Variants in SACM1L observed in about 807,000 individuals in gnomAD.
The protein encoded by SACM1L is SAC1 like phosphatidylinositide phosphatase, also known as phosphatidylinositol-3-phosphatase SAC1.
Under a neutral mutation model 89.5 loss-of-function variants are expected in SACM1L, and 32 were observed. The observed-to-expected ratio is 0.36, with a 90% CI of 0.27 to 0.48. The LOEUF (loss-of-function observed/expected upper bound fraction) is 0.48. Ranked by LOEUF, SACM1L falls within the 20% of genes least tolerant of loss-of-function variation. SACM1L has a pLI of 0.99. For synonymous variants in SACM1L, 213 were observed against 232.8 expected, an observed-to-expected ratio of 0.92 and a Z score of 0.77; for missense variants, 543 against 708.5, an observed-to-expected ratio of 0.77 and a Z score of 2.65.
intron 9 of SACM1L, 38 bp from the exon 10 acceptor site, chr3:45,722,831 G>A: frequency 1.4e-6 from 2 of 1,450,046 alleles, no homozygotes; most frequent in Non-Finnish European, 1.9e-6. Flanking sequence ...AAACAAGTAT[G>A]TTTGTGTTTC....
intron 16 of SACM1L, 51 bp from the exon 17 acceptor site, chr3:45,738,527 T>C (rs1420862205): frequency 9.2e-7 from 1 of 1,083,082 alleles, no homozygotes; most frequent in South Asian, 1.3e-5. Flanking sequence ...TAAAACAGTG[T>C]GAGAATTCAG....
chr3:45,691,141 T>C (rs1388838371), intron 1 of SACM1L, among the ~76,000 whole-genome samples: 1 of 152,238 alleles, frequency 6.6e-6, no homozygotes, highest in African/African-American at 2.4e-5. Context: ...GTATTGATTT[T>C]TGTGAGAAGT....
Position 45,738,779 on chromosome 3 carries a change from A to G in SACM1L, c.1477-2A>G, listed in dbSNP as rs778061851. 2 of 1,597,712 alleles carry G rather than the reference A, an allele frequency of 1.3e-6. No individual in the cohort carries two copies. The highest frequency in any genetic ancestry group is 1.7e-4 in the Middle Eastern group (1 of 6,040). Reference sequence around the variant, plus strand: ...TTACGAATTTCTTCCTTTCTGTTCTAGGATTCCATAGACTTATTTCTTGGA... The same window carrying G: ...TTACGAATTTCTTCCTTTCTGTTCTGGGATTCCATAGACTTATTTCTTGGA... On this transcript the variant is annotated splice_acceptor_variant, in intron 17 of 19. Transcript: ENST00000389061. LOFTEE classifies it high-confidence loss of function.
At chr3:45,731,083 A>G (rs1699043471) in intron 11 of SACM1L, among the ~76,000 whole-genome samples, 1 of 152,206 alleles carries the variant, frequency 6.6e-6, no homozygotes, top group Non-Finnish European at 1.5e-5. Context: ...ACCATTTTGA[A>G]AGTGACTTTT....
At chr3:45,734,939 A>T (rs919490956) in intron 13 of SACM1L, 3 of 250,938 alleles carry the variant, frequency 1.2e-5, no homozygotes, top group Non-Finnish European at 2.3e-5. Context: ...TTTGGGAAAC[A>T]TGATTGATTT....
chr3:45,701,375 A>G lies in SACM1L; in HGVS notation c.33-2063A>G, dbSNP rs907273565. Reference sequence around the variant, plus strand: ...CCTGGCTCAGCTTTCCCTGGAATGTATTCATCACCTGCCGCATAGCCCCTA... The same window carrying G: ...CCTGGCTCAGCTTTCCCTGGAATGTGTTCATCACCTGCCGCATAGCCCCTA... On this transcript the variant is annotated intron_variant, in intron 1 of 19. Coordinates refer to ENST00000389061, the MANE Select transcript of SACM1L (RefSeq NM_014016.5). Among the ~76,000 whole-genome samples the G allele has an allele frequency of 3.9e-5, 6 of 152,182 alleles. No individual in the cohort carries two copies. The South Asian group carries it at 1.0e-3, about 26-fold the overall frequency.
chr3:45,689,879 A>G (rs998833877), intron 1 of SACM1L: 6 of 295,440 alleles, frequency 2.0e-5, no homozygotes, highest in African/African-American at 1.3e-4. Flanking sequence ...GTTTTCTCTT[A>G]CTTAACGGAC....
intron 7 of SACM1L, among the ~76,000 whole-genome samples, chr3:45,718,294 T>TAA (rs5848764): frequency 6.7e-6 from 1 of 148,418 alleles, no homozygotes; most frequent in African/African-American, 2.5e-5. Flanking sequence ...CCTGTTATGT[T>TAA]AAAAAAAAAA....
Position 45,737,786 on chromosome 3 carries a change from G to A in SACM1L, c.1324G>A (p.Ala442Thr). The A allele has an allele frequency of 4.3e-6, 7 of 1,613,780 alleles. No individual in the cohort carries two copies. The highest frequency in any genetic ancestry group is 2.7e-5 in the African/African-American group (2 of 74,998). ...KIYKNAWADN[A>T]NACAKQYAGT... is the part of the protein sequence containing the mutation. ...TTTTTCTACAGCCTGGGCTGACAAC[G>A]CAAATGCTTGTGCCAAGCAATATGC... The change falls in exon 16 of 20, where the codon GCA (alanine) becomes ACA (threonine). Residue 442 changes from alanine (A) to threonine (T), a missense_variant. This residue lies in a region of SACM1L where 370 missense variants were observed against 527.6 expected (regional missense o/e 0.70). Coordinates refer to ENST00000389061, the MANE Select transcript of SACM1L (RefSeq NM_014016.5).
intron 18 of SACM1L, 38 bp downstream of exon 18, chr3:45,738,911 C>T: frequency 1.6e-6 from 2 of 1,281,802 alleles, no homozygotes. Flanking sequence ...TTTTTAAAAG[C>T]ATTGTGTCTG....
intron 15 of SACM1L, 51 bp downstream of exon 15, chr3:45,737,703 T>C: frequency 6.3e-7 from 1 of 1,578,182 alleles, no homozygotes; most frequent in Non-Finnish European, 8.6e-7. Flanking sequence ...TGAAATAAAT[T>C]AATATTCTGG....
At chr3:45,720,015 G>A (rs918345642) in intron 8 of SACM1L, among the ~76,000 whole-genome samples, 2 of 152,050 alleles carry the variant, frequency 1.3e-5, no homozygotes, top group African/African-American at 4.8e-5. Context: ...TATTTTCTAG[G>A]CTTTGTACTA....
intron 1 of SACM1L, among the ~76,000 whole-genome samples, chr3:45,693,483 A>G (rs1969625): frequency 0.48 from 73,399 of 152,046 alleles, 18,256 homozygotes; most frequent in Middle Eastern, 0.57. Flanking sequence ...CATTTCATGT[A>G]TATTGTCTTC....
chr3:45,707,295 ATGTGAATGTAAG>A (rs2125688435), intron 4 of SACM1L: 1 of 170,560 alleles, frequency 5.9e-6, no homozygotes, highest in African/African-American at 2.4e-5. Context: ...TTTTTACCAC[ATGTGAATGTAAG>A]TGTGTGTGTG....
At chr3:45,697,268 CCTTTT>C (rs1305905425) in intron 1 of SACM1L, among the ~76,000 whole-genome samples, 2 of 110,612 alleles carry the variant, frequency 1.8e-5, no homozygotes, top group Non-Finnish European at 3.6e-5. Context: ...CTTTTCTTTT[CCTTTT>C]TTTTTTTTTT....
chr3:45,699,253 G>A (rs1698203304), intron 1 of SACM1L, among the ~76,000 whole-genome samples: 1 of 151,254 alleles, frequency 6.6e-6, no homozygotes. Flanking sequence ...TGCACAATGT[G>A]CACATGTACC....
chr3:45,709,239 T>C (rs951266012), intron 4 of SACM1L, among the ~76,000 whole-genome samples: 12 of 152,192 alleles, frequency 7.9e-5, no homozygotes, highest in Admixed American at 7.2e-4. Context: ...GAGAATAAAA[T>C]TTGTAAAGGA....
intron 4 of SACM1L, among the ~76,000 whole-genome samples, chr3:45,708,230 T>C (rs2245705): frequency 0.48 from 73,426 of 152,010 alleles, 18,284 homozygotes; most frequent in Middle Eastern, 0.57. Flanking sequence ...CTGCCTGTAT[T>C]CATATTTAAA....
At chr3:45,693,015 A>G (rs1475304835) in intron 1 of SACM1L, among the ~76,000 whole-genome samples, 1 of 152,226 alleles carries the variant, frequency 6.6e-6, no homozygotes, top group Admixed American at 6.5e-5. Flanking sequence ...ACAAACCTAG[A>G]TGGTACAGCC....
Sources: gnomAD v4.1 joint callset for allele counts (sites outside exome capture counted in the v4.1 genomes callset) on GRCh38, gnomAD v4.1.1 for gene constraint, gnomAD v4.1.1 regional missense constraint, MANE v1.5 for transcripts, NCBI Gene and HGNC (gene_info 2026-07-23, HGNC 2026-07-21) for gene names.